CHD1L: variants seen among roughly 807,000 people sequenced by gnomAD.
CHD1L encodes chromodomain helicase DNA binding protein 1 like, also known as ATP-dependent chromatin remodeler CHD1L.
CHD1L carries 118 observed loss-of-function variants against 115.9 expected under a neutral mutation model. The observed-to-expected ratio is 1.02, with a 90% CI of 0.88 to 1.19. The LOEUF (loss-of-function observed/expected upper bound fraction) is 1.19, where lower values mean the gene tolerates loss of function less well. CHD1L is among the 50% of genes most tolerant of loss of function. The probability of loss-of-function intolerance (pLI) is 0.00; values close to 1 mark genes in which losing one functional copy is unlikely to be tolerated. For synonymous variants in CHD1L, 411 were observed against 387.1 expected (o/e 1.06, Z -0.72); for missense variants, 1,179 against 1,065.3 (o/e 1.11, Z -1.49).
chr1:147,176,067 A>G, the CHD1L span: 1 of 152,156 alleles, frequency 6.6e-6, no homozygotes, highest in African/African-American at 2.4e-5. Context: ...ACCAAACTGT[A>G]CAATAAAAAG....
At chr1:147,174,971 C>G in the CHD1L span, 1 of 152,154 alleles carries the variant, frequency 6.6e-6, no homozygotes, top group Non-Finnish European at 1.5e-5. Context: ...AGCCTTTACA[C>G]ACACTGCTAA....
chr1:147,181,760 A>G, the CHD1L span, among the ~76,000 whole-genome samples: 201 of 152,350 alleles, frequency 1.3e-3, 1 homozygote, highest in Non-Finnish European at 2.5e-3. Context: ...GGAGAGCAAC[A>G]AAGTAATTGA....
chr1:147,267,499 T>A lies in CHD1L; in HGVS notation c.969T>A (p.Asp323Glu). 1 of 1,612,156 alleles carries A rather than the reference T, an allele frequency of 6.2e-7. No homozygotes were observed. Among genetic ancestry groups the A allele is most frequent in the South Asian group, 1.1e-5 (1 of 90,698 alleles). ...TGTCCCAGCTTCGAAAGTGTGTGGA[T>A]CACCCATATTTGTTTGATGGTGAGA... is the stretch of plus-strand genomic sequence containing the variant. Reference protein sequence around the residue: ...NILSQLRKCVDHPYLFDGVEP... With the variant: ...NILSQLRKCVEHPYLFDGVEP... Residue 323 changes from aspartate (D) to glutamate (E), a missense_variant, in exon 9 of 23, where the codon GAT (aspartate) becomes GAA (glutamate). Transcript: ENST00000369258.
the CHD1L span, among the ~76,000 whole-genome samples, chr1:147,191,136 A>G: frequency 6.6e-6 from 1 of 152,182 alleles, no homozygotes; most frequent in African/African-American, 2.4e-5. Context: ...TAGTGCCGCA[A>G]TAAACATACG....
At chr1:147,288,151 C>G (rs1553967558) in intron 19 of CHD1L, among the ~76,000 whole-genome samples, 28 of 151,656 alleles carry the variant, frequency 1.8e-4, no homozygotes, top group Non-Finnish European at 1.5e-5. Flanking sequence ...ATAGTGAGAT[C>G]CTGTCTCTAC....
At chr1:147,181,199 C>T in the CHD1L span, among the ~76,000 whole-genome samples, 2 of 152,222 alleles carry the variant, frequency 1.3e-5, no homozygotes, top group Non-Finnish European at 2.9e-5. Flanking sequence ...ATGCTTGTGA[C>T]TGCTTTAGCT....
At chr1:147,232,957 C>T in the CHD1L span, among the ~76,000 whole-genome samples, 1 of 152,188 alleles carries the variant, frequency 6.6e-6, no homozygotes, top group Non-Finnish European at 1.5e-5. Context: ...TGCCTGGCCA[C>T]CCATCGTCTG....
chr1:147,267,565 T>C, intron 9 of CHD1L, 47 bp downstream of exon 9: 3 of 1,445,256 alleles, frequency 2.1e-6, no homozygotes, highest in Non-Finnish European at 2.9e-6. Flanking sequence ...GTAATGTTTC[T>C]GTGGCCAAAT....
intron 18 of CHD1L, 144 bp downstream of exon 18, chr1:147,286,644 T>C (rs1053930264): frequency 7.8e-5 from 56 of 718,420 alleles, no homozygotes; most frequent in Non-Finnish European, 1.0e-4. Flanking sequence ...AGTCAGGAGA[T>C]ATTCCAGAAT....
chr1:147,284,594 A>T (rs1682319700), intron 16 of CHD1L, 95 bp downstream of exon 16: 1 of 1,121,528 alleles, frequency 8.9e-7, no homozygotes, highest in Non-Finnish European at 1.2e-6. Context: ...TTCTCTTAGG[A>T]TGATTTGTCA....
At chr1:147,259,590 G>T in intron 5 of CHD1L, 1 of 335,176 alleles carries the variant, frequency 3.0e-6, no homozygotes, top group Non-Finnish European at 5.5e-6. Context: ...TCTGTCTCTG[G>T]CTTCTTCCTT....
At chr1:147,190,953 G>A in the CHD1L span, among the ~76,000 whole-genome samples, 2 of 151,928 alleles carry the variant, frequency 1.3e-5, no homozygotes, top group Non-Finnish European at 2.9e-5. Context: ...TTCTCCTTGT[G>A]ATAGTTTGCT....
rs200246811 is a variant in CHD1L, at chr1:147,294,537, A to G, written c.2615+20A>G. ...TTACATGTATCCTTTTGTGATCTTC[A>G]TTGTGTGTTCTCCCAACCCAAGAGG... On this transcript the variant is annotated intron_variant, in intron 22 of 22. Coordinates refer to ENST00000369258, the MANE Select transcript of CHD1L (RefSeq NM_004284.6). 8.7e-5 allele frequency: 138 copies of G among 1,578,886 alleles called. 2 individuals are homozygous for G. The East Asian group carries it at 2.9e-3, about 33-fold the overall frequency.
At chr1:147,258,234 T>G (rs782254996) in intron 5 of CHD1L, among the ~76,000 whole-genome samples, 7 of 152,174 alleles carry the variant, frequency 4.6e-5, no homozygotes, top group African/African-American at 9.7e-5. Flanking sequence ...CATCCAACTT[T>G]CCATTCAGTG....
the CHD1L span, among the ~76,000 whole-genome samples, chr1:147,217,243 A>AAAAAAG: frequency 2.0e-5 from 3 of 151,410 alleles, no homozygotes; most frequent in Non-Finnish European, 2.9e-5. Flanking sequence ...CCGTCTACAA[A>AAAAAAG]AAAAAGAAAA....
chr1:147,252,729 C>A lies in CHD1L; in HGVS notation c.234C>A (p.Thr78=), dbSNP rs1311096135. 3 of 1,612,580 alleles carry A rather than the reference C, an allele frequency of 1.9e-6. No homozygotes were observed. The highest frequency in any genetic ancestry group is 2.7e-5 in the African/African-American group (2 of 74,892). ...ILGDEMGLGK[T]CQTIALFIYL... is the part of the protein sequence containing the mutation. ...GAGATGAGATGGGCCTGGGGAAGAC[C>A]TGCCAGGTGTGTTACTATGCGACGA... Residue 78 remains threonine, a synonymous_variant, in exon 2 of 23, where the codon ACC becomes ACA. Coordinates refer to ENST00000369258, the MANE Select transcript of CHD1L (RefSeq NM_004284.6).
chr1:147,222,951 A>T, the CHD1L span, among the ~76,000 whole-genome samples: 14 of 152,216 alleles, frequency 9.2e-5, no homozygotes, highest in African/African-American at 3.1e-4. Flanking sequence ...GTCCCATCCT[A>T]GGCCTACTGA....
intron 6 of CHD1L, among the ~76,000 whole-genome samples, chr1:147,261,492 TA>T (rs1367006269): frequency 6.6e-6 from 1 of 152,076 alleles, no homozygotes; most frequent in African/African-American, 2.4e-5. Context: ...TACCTCTTAA[TA>T]ATATTACATT....
At chr1:147,286,049 A>G (rs1553965379) in intron 17 of CHD1L, among the ~76,000 whole-genome samples, 2 of 152,186 alleles carry the variant, frequency 1.3e-5, no homozygotes, top group African/African-American at 4.8e-5. Flanking sequence ...AGAATAATTT[A>G]CTTCAACAAT....
Sources: allele counts gnomAD v4.1 joint callset (sites outside exome capture counted in the v4.1 genomes callset), GRCh38; gene constraint gnomAD v4.1.1; transcripts MANE v1.5; gene names NCBI Gene and HGNC (gene_info 2026-07-23, HGNC 2026-07-21).